The following TRAF7 variants were observed in gnomAD, a reference collection of about 807,000 sequenced individuals.
The protein encoded by TRAF7 is TNF receptor associated factor 7, also known as E3 ubiquitin-protein ligase TRAF7.
TRAF7 carries 45 observed loss-of-function variants against 89.3 expected under a neutral mutation model. The ratio of observed to expected loss-of-function variants is 0.50; its 90% confidence interval spans 0.40 to 0.65. The LOEUF is 0.65. TRAF7 is among the 30% of genes least tolerant of loss of function. The pLI, the probability that TRAF7 is intolerant of heterozygous loss-of-function variation, is 0.00. For missense variants in TRAF7, 677 were observed against 918.1 expected, an observed-to-expected ratio of 0.74 and a Z score of 3.39; for synonymous variants, 406 against 369.2, an observed-to-expected ratio of 1.10 and a Z score of -1.14.
At chr16:2,172,701 C>G in intron 9 of TRAF7, 102 bp downstream of exon 9, 1 of 1,356,456 alleles carries the variant, frequency 7.4e-7, no homozygotes, top group Non-Finnish European at 1.0e-6. Context: ...TAGGCCGGAG[C>G]TGGGGCCACA....
chr16:2,160,933 G>A (rs745369247), intron 1 of TRAF7, among the ~76,000 whole-genome samples: 1 of 152,084 alleles, frequency 6.6e-6, no homozygotes, highest in Non-Finnish European at 1.5e-5. Flanking sequence ...GTGGCCCAAG[G>A]GGTCCTCTCC....
At chr16:2,175,735 GGTGGGTGGGCTGCCCAGCA>G in intron 17 of TRAF7, 80 bp from the exon 18 acceptor site, 1 of 1,589,132 alleles carries the variant, frequency 6.3e-7, no homozygotes, top group Non-Finnish European at 8.6e-7. Context: ...CCCCTGGCTG[GGTGGGTGGGCTGCCCAGCA>G]GTGCTGAAGC....
intron 15 of TRAF7, 66 bp downstream of exon 15, chr16:2,175,216 C>T (rs1380164461): frequency 1.2e-6 from 2 of 1,612,754 alleles, no homozygotes; most frequent in East Asian, 2.2e-5. Flanking sequence ...GTAGGTGCCC[C>T]AGGGACGTGT....
In TRAF7 at chr16:2,176,758, C is replaced by A; in HGVS notation, c.*184C>A. The stretch of plus-strand genomic sequence containing the variant: ...GAGCCTCCCTCTACTCGGCACTGTC[C>A]TTGCTGCCCAGCCCCTCTCTGGGTG... On this transcript the variant is annotated 3_prime_UTR_variant, in exon 21 of 21. Transcript: ENST00000326181. The A allele has an allele frequency of 1.2e-6, 1 of 850,380 alleles. No homozygotes were observed. Among genetic ancestry groups the A allele is most frequent in the South Asian group, 1.6e-5 (1 of 64,462 alleles). 52.7% of individuals were successfully genotyped at this position (850,380 alleles called of 1,614,324 possible).
At chr16:2,165,504 C>T (rs1342539352) in intron 2 of TRAF7, among the ~76,000 whole-genome samples, 1 of 125,764 alleles carries the variant, frequency 8.0e-6, no homozygotes, top group Non-Finnish European at 1.6e-5. Context: ...GCAGCCTGGT[C>T]GCATGGTTAA....
chr16:2,174,965 G>A lies in TRAF7; in HGVS notation c.1347-146G>A, dbSNP rs1481401863. On this transcript the variant is annotated intron_variant, in intron 14 of 20. Coordinates refer to ENST00000326181, the MANE Select transcript of TRAF7 (RefSeq NM_032271.3). ...TTCCCATGTGGAGACTGGAAAATAG[G>A]CTGACGCTTAAGGACACAGCAGTGG... 6.0e-6 allele frequency: 6 copies of A among 993,324 alleles called. No individual in the cohort carries two copies. In the African/African-American group the frequency reaches 9.6e-5, roughly 16 times the overall value. The allele number at this position is 993,324 out of a possible 1,614,324, so 61.5% of individuals were successfully genotyped here. A position where few individuals can be genotyped will look rare whatever the true frequency, so the allele number is the denominator to read the frequency against.
rs1166917689 is a variant in TRAF7 at position 2,178,087 on chromosome 16, C to T, written c.*1513C>T. ...ACCTTTTTGTTTCTCTGGGGAAATC[C>T]GCCTCAGCTCATTCCCAATAAATTA... On this transcript the variant is annotated 3_prime_UTR_variant, in exon 21 of 21. Transcript: ENST00000326181. 13 of 493,834 alleles carry T rather than the reference C, an allele frequency of 2.6e-5. No homozygotes were observed. Among genetic ancestry groups the T allele is most frequent in the South Asian group, 1.3e-4 (8 of 61,058 alleles). The allele number at this position is 493,834 out of a possible 1,614,324, so 30.6% of individuals were successfully genotyped here.
In TRAF7 at chr16:2,175,129, C is replaced by G. The variant is rs2093130231; in HGVS notation, c.1365C>G (p.Gly455=). 1.9e-6 allele frequency: 3 copies of G among 1,613,716 alleles called. No individual in the cohort carries two copies. The highest frequency in any genetic ancestry group is 2.5e-6 in the Non-Finnish European group (3 of 1,179,980). ...LCIQGCKLYS[G]SADCTIIVWD... Reference sequence around the variant, plus strand: ...TCCCCAGGTGCAAACTCTACAGCGGCTCTGCAGACTGCACCATCATTGTGA... The same window carrying G: ...TCCCCAGGTGCAAACTCTACAGCGGGTCTGCAGACTGCACCATCATTGTGA... The change falls in exon 15 of 21, where the codon GGC becomes GGG. Residue 455 remains glycine, a synonymous_variant. Transcript: ENST00000326181.
At position 2,173,604 on chromosome 16, in the gene TRAF7, G is replaced by A. The variant is rs1242992741; in HGVS notation, c.1086+50G>A. The A allele has an allele frequency of 5.0e-6, 8 of 1,602,828 alleles. No homozygotes were observed. The African/African-American group carries it at 5.4e-5, about 11-fold the overall frequency. ...TGGGTTGTGAGACCCGGGGAGGCCG[G>A]CGGCCCCGGCAGGGAGGCCTCCCCT... On this transcript the variant is annotated intron_variant, in intron 11 of 20. Transcript: ENST00000326181.
At chr16:2,173,870 C>CCCCCCCCCCG in intron 12 of TRAF7, 34 bp downstream of exon 12, 1 of 1,606,156 alleles carries the variant, frequency 6.2e-7, no homozygotes, top group Non-Finnish European at 8.5e-7. Context: ...CCCGCCCACC[C>CCCCCCCCCCG]TCCCCCCCGG....
chr16:2,165,197 G>A (rs558807487), intron 2 of TRAF7, among the ~76,000 whole-genome samples: 4 of 143,422 alleles, frequency 2.8e-5, no homozygotes, highest in African/African-American at 1.1e-4. Flanking sequence ...GCGTGTGAGT[G>A]CTGCATGGCC....
chr16:2,164,124 G>T, intron 2 of TRAF7, 123 bp downstream of exon 2: 1 of 794,438 alleles, frequency 1.3e-6, no homozygotes, highest in East Asian at 2.7e-5. Context: ...AGGGGAGCTC[G>T]GTGGGGGGGG....
chr16:2,177,538 C>T lies in TRAF7; in HGVS notation c.*964C>T, dbSNP rs549046396. On this transcript the variant is annotated 3_prime_UTR_variant, in exon 21 of 21. Transcript: ENST00000326181. ...CAGGAGGAGAGAGGAAAAGGGAGGG[C>T]GAGAATGACCACACAACACAGCCTT... 3.0e-5 allele frequency: 7 copies of T among 233,782 alleles called. No homozygotes were observed. The highest frequency in any genetic ancestry group is 6.6e-5 in the African/African-American group (3 of 45,240). 14.5% of individuals were successfully genotyped at this position (233,782 alleles called of 1,614,324 possible).
At position 2,173,907 on chromosome 16, in the gene TRAF7, T is replaced by A; in HGVS notation, c.1136-14T>A. On this transcript the variant is annotated splice_polypyrimidine_tract_variant and intron_variant, in intron 12 of 20. Coordinates refer to ENST00000326181, the MANE Select transcript of TRAF7 (RefSeq NM_032271.3). ...CCCCAACTGGGCCTTCACCCACTGCTCCCATCTCTGCAGCCTACGACCCTC... is the reference window on the plus strand; with the variant it reads ...CCCCAACTGGGCCTTCACCCACTGCACCCATCTCTGCAGCCTACGACCCTC... 8.0e-7 allele frequency: 1 copy of A among 1,251,994 alleles called. No individual in the cohort carries two copies. Among genetic ancestry groups the A allele is most frequent in the Non-Finnish European group, 1.0e-6 (1 of 968,964 alleles). 77.6% of individuals were successfully genotyped at this position (1,251,994 alleles called of 1,614,324 possible).
rs560235497 is a variant in TRAF7, at chr16:2,173,194, C to T, written c.807C>T (p.Ile269=). ...CCTGTCCCCGCAGGTGCACGTTCAT[C>T]GGGAACCAGGACACTTACGAGACCC... ...CPHSKYGCTF[I]GNQDTYETHL... is the part of the protein sequence containing the mutation. Residue 269 remains isoleucine (I), a synonymous_variant, in exon 10 of 21, where the codon ATC becomes ATT. Transcript: ENST00000326181. 2.0e-5 allele frequency: 32 copies of T among 1,609,078 alleles called. No individual in the cohort carries two copies. The highest frequency in any genetic ancestry group is 3.3e-4 in the Middle Eastern group (2 of 6,048).
chr16:2,173,382 G>A lies in TRAF7; in HGVS notation c.995G>A (p.Ser332Asn), dbSNP rs1383217459. ...LSEKIDQLEK[S>N]LELKFDVLDE... ...GAGAAGATCGACCAGCTAGAGAAGA[G>A]CCTGGAGCTCAAGTTTGGTGAGGGT... The change falls in exon 10 of 21, where the codon AGC becomes AAC. Residue 332 changes from serine (S) to asparagine (N), a missense_variant. By Grantham distance (46) the Ser-to-Asn change is conservative. This residue lies in a region of TRAF7 where 238 missense variants were observed against 352.6 expected (regional missense o/e 0.67). Coordinates refer to ENST00000326181, the MANE Select transcript of TRAF7 (RefSeq NM_032271.3). 8 of 1,613,484 alleles carry A rather than the reference G, an allele frequency of 5.0e-6. No individual in the cohort carries two copies. The highest frequency in any genetic ancestry group is 1.1e-5 in the South Asian group (1 of 91,088).
Position 2,164,129 on chromosome 16 carries a change from G to T in TRAF7, c.81+128G>T, listed in dbSNP as rs914279109. 2.4e-4 allele frequency: 179 copies of T among 733,672 alleles called. 1 individual carries two copies. The highest frequency in any genetic ancestry group is 9.6e-4 in the Admixed American group (32 of 33,196). 45.4% of individuals were successfully genotyped at this position (733,672 alleles called of 1,614,324 possible). A position where few individuals can be genotyped will look rare whatever the true frequency, so the allele number is the denominator to read the frequency against. ...CTGGGGTCTCAGGGGAGCTCGGTGG[G>T]GGGGGGTGTGGTGTGTGTGTGTGTG... On this transcript the variant is annotated intron_variant, in intron 2 of 20. Transcript: ENST00000326181.
chr16:2,164,195 T>C (rs1200213634), intron 2 of TRAF7, among the ~76,000 whole-genome samples, 194 bp downstream of exon 2: 7 of 143,068 alleles, frequency 4.9e-5, no homozygotes, highest in Non-Finnish European at 9.2e-5. Flanking sequence ...CGTGCGTGTG[T>C]GGTTGGGGCG....
rs571168648 is a variant in TRAF7 at position 2,159,813 on chromosome 16, G to C, written c.-39+3955G>C. On this transcript the variant is annotated intron_variant, in intron 1 of 20. Coordinates refer to ENST00000326181, the MANE Select transcript of TRAF7 (RefSeq NM_032271.3). This position sits in a 1 kb window ranked among gnomAD's most constrained non-coding sequence, Gnocchi z 6.5. ...CCCCACCTGCTCCGGGTTGCTGGAG[G>C]AGCTGCTTTAAGGCCGGGCCTGGCC... is the stretch of plus-strand genomic sequence containing the variant. Among the ~76,000 whole-genome samples, 3 of 152,348 alleles carry C rather than the reference G, an allele frequency of 2.0e-5. No homozygotes were observed. In the East Asian group the frequency reaches 5.8e-4, roughly 29 times the overall value.
Sources: allele counts gnomAD v4.1 joint callset (sites outside exome capture counted in the v4.1 genomes callset), GRCh38; gene constraint gnomAD v4.1.1; regional missense constraint gnomAD v4.1.1; non-coding constraint Gnocchi (gnomAD v3.1); transcripts MANE v1.5; gene names NCBI Gene and HGNC (gene_info 2026-07-23, HGNC 2026-07-21).